USP1: variants seen among roughly 807,000 people sequenced by gnomAD.
USP1 encodes ubiquitin specific peptidase 1, also known as ubiquitin carboxyl-terminal hydrolase 1.
In USP1, 18 loss-of-function variants were observed where a neutral mutation model predicts 72.2. The observed-to-expected ratio is 0.25, with a 90% CI of 0.17 to 0.37. The LOEUF is 0.37. USP1 is among the 10% of genes least tolerant of loss of function. The pLI is 1.00. For synonymous variants in USP1, 354 were observed against 303.7 expected, an observed-to-expected ratio of 1.17 and a Z score of -1.72; for missense variants, 759 against 884.9, an observed-to-expected ratio of 0.86 and a Z score of 1.81.
At chr1:62,449,215 C>T (rs1645196905) in intron 8 of USP1, among the ~76,000 whole-genome samples, 2 of 152,080 alleles carry the variant, frequency 1.3e-5, no homozygotes, top group East Asian at 1.9e-4. Flanking sequence ...ATATTCATTC[C>T]CTCTTAGATG....
In USP1 at chr1:62,450,430, C is replaced by T. The variant is rs756605102; in HGVS notation, c.1807C>T (p.Leu603Phe). The T allele has an allele frequency of 1.1e-5, 17 of 1,613,930 alleles. No homozygotes were observed. Among genetic ancestry groups the T allele is most frequent in the Middle Eastern group, 1.6e-4 (1 of 6,082 alleles). Residue 603 changes from leucine to phenylalanine, a missense_variant, in exon 9 of 9, where the codon CTT (leucine) becomes TTT (phenylalanine). Around this residue, in one of 9 missense-constraint regions of USP1, gnomAD observed 140 missense variants for 222.8 expected, o/e 0.63. Transcript: ENST00000339950. ...HYTASVKVTD[L>F]NSLELDKGNF... ...CACTGCTTCTGTTAAAGTCACTGAC[C>T]TTAACAGTTTAGAACTAGATAAAGG... is the stretch of plus-strand genomic sequence containing the variant.
At chr1:62,445,929 A>AT (rs1202579366) in intron 6 of USP1, among the ~76,000 whole-genome samples, 2 of 152,148 alleles carry the variant, frequency 1.3e-5, no homozygotes, top group African/African-American at 4.8e-5. Context: ...CAGTGAGCCA[A>AT]TATTATGCCA....
chr1:62,445,410 A>T lies in USP1; in HGVS notation c.1230A>T (p.Glu410Asp). ...GNTVTPVNVN[E>D]VKPINKGEEQ... is the part of the protein sequence containing the mutation. The stretch of plus-strand genomic sequence containing the variant: ...CTGTTACACCTGTAAATGTTAATGA[A>T]GTTAAACCCATAAACAAAGGTTAGT... The change falls in exon 6 of 9, where the codon GAA (glutamate) becomes GAT (aspartate). Residue 410 changes from glutamate (E) to aspartate (D), a missense_variant. Transcript: ENST00000339950. 6.4e-7 allele frequency: 1 copy of T among 1,566,938 alleles called. No individual in the cohort carries two copies. The highest frequency in any genetic ancestry group is 8.6e-7 in the Non-Finnish European group (1 of 1,160,992).
chr1:62,451,367 T>C lies in USP1; in HGVS notation c.*386T>C, dbSNP rs933595323. ...TGATGTTTATAGTTCCTGTGGTTTTTCACCCAAGAAGCAGAATCTCATTCA... is the reference window on the plus strand; with the variant it reads ...TGATGTTTATAGTTCCTGTGGTTTTCCACCCAAGAAGCAGAATCTCATTCA... On this transcript the variant is annotated 3_prime_UTR_variant, in exon 9 of 9. Coordinates refer to ENST00000339950, the MANE Select transcript of USP1 (RefSeq NM_003368.5). The C allele has an allele frequency of 6.3e-6, 1 of 158,222 alleles. No individual in the cohort carries two copies. The highest frequency in any genetic ancestry group is 1.4e-5 in the Non-Finnish European group (1 of 72,074). 9.8% of individuals were successfully genotyped at this position (158,222 alleles called of 1,614,324 possible).
In USP1 at chr1:62,443,214, C is replaced by T; in HGVS notation, c.452C>T (p.Ser151Phe). Reference protein sequence around the residue: ...ASYELICSLQSLIISVEQLQA... With the variant: ...ASYELICSLQFLIISVEQLQA... ...TATGAATTGATATGCAGTTTACAGT[C>T]CTTAATCATTTCGGTTGAACAGCTC... is the stretch of plus-strand genomic sequence containing the variant. The change falls in exon 5 of 9, where the codon TCC becomes TTC. Residue 151 changes from serine to phenylalanine, a missense_variant. By Grantham distance (155) the Ser-to-Phe change is radical. Around this residue, in one of 9 missense-constraint regions of USP1, gnomAD observed 71 missense variants for 71.0 expected, o/e 1.00. Transcript: ENST00000339950. 1 of 1,613,944 alleles carries T rather than the reference C, an allele frequency of 6.2e-7. No homozygotes were observed. Among genetic ancestry groups the T allele is most frequent in the Non-Finnish European group, 8.5e-7 (1 of 1,179,988 alleles).
Position 62,448,671 on chromosome 1 carries a change from G to A in USP1, c.1622+5G>A. 6.2e-7 allele frequency: 1 copy of A among 1,611,490 alleles called. No individual in the cohort carries two copies. The highest frequency in any genetic ancestry group is 8.5e-7 in the Non-Finnish European group (1 of 1,179,350). On this transcript the variant is annotated splice_donor_5th_base_variant and intron_variant, in intron 8 of 8. Coordinates refer to ENST00000339950, the MANE Select transcript of USP1 (RefSeq NM_003368.5). ...CTTTGCTGCTAGTGGTTTGGAGTAAGTATTGTAAATAAGAACTATATGAAG... is the reference window on the plus strand; with the variant it reads ...CTTTGCTGCTAGTGGTTTGGAGTAAATATTGTAAATAAGAACTATATGAAG...
rs767195578 is a variant in USP1, at chr1:62,443,323, T to G, written c.557+4T>G. 5.0e-6 allele frequency: 8 copies of G among 1,588,344 alleles called. No individual in the cohort carries two copies. Among genetic ancestry groups the G allele is most frequent in the Non-Finnish European group, 6.8e-6 (8 of 1,172,956 alleles). On this transcript the variant is annotated splice_donor_region_variant and intron_variant, in intron 5 of 8. Coordinates refer to ENST00000339950, the MANE Select transcript of USP1 (RefSeq NM_003368.5). ...GGCGACTGCTTAACACACTGAGGTA[T>G]AGCCTATAATATAATTTTAGGGTTT...
Position 62,447,580 on chromosome 1 carries a change from A to T in USP1, c.1420+69A>T, listed in dbSNP as rs1206249238. The T allele has an allele frequency of 4.0e-6, 6 of 1,518,418 alleles. No homozygotes were observed. In the East Asian group the frequency reaches 1.4e-4, roughly 35 times the overall value. The allele number at this position is 1,518,418 out of a possible 1,614,324, so 94.1% of individuals were successfully genotyped here. ...ATAATTCTTTAACAACACAAAGTTTAATAGTAGCTGGTGTAATTAGGGAGG... is the reference window on the plus strand; with the variant it reads ...ATAATTCTTTAACAACACAAAGTTTTATAGTAGCTGGTGTAATTAGGGAGG... On this transcript the variant is annotated intron_variant, in intron 7 of 8. Coordinates refer to ENST00000339950, the MANE Select transcript of USP1 (RefSeq NM_003368.5).
chr1:62,447,070 C>G (rs540471475), intron 6 of USP1, among the ~76,000 whole-genome samples: 143 of 152,330 alleles, frequency 9.4e-4, no homozygotes, highest in African/African-American at 3.3e-3. Context: ...GCCTCAGCCT[C>G]CCAAAGTCTT....
In USP1 at chr1:62,451,756, T is replaced by G. The variant is rs546279124; in HGVS notation, c.*775T>G. The stretch of plus-strand genomic sequence containing the variant: ...TAACTATGTATATGAATATTTGAAT[T>G]TTTTACTTGTATATTTTTATAAATA... On this transcript the variant is annotated 3_prime_UTR_variant, in exon 9 of 9. Coordinates refer to ENST00000339950, the MANE Select transcript of USP1 (RefSeq NM_003368.5). 1 of 152,650 alleles carries G rather than the reference T, an allele frequency of 6.6e-6. No homozygotes were observed. The highest frequency in any genetic ancestry group is 2.1e-4 in the South Asian group (1 of 4,820). 9.5% of individuals were successfully genotyped at this position (152,650 alleles called of 1,614,324 possible).
At position 62,450,687 on chromosome 1, in the gene USP1, T is replaced by C. The variant is rs1645209504; in HGVS notation, c.2064T>C (p.Asp688=). The C allele has an allele frequency of 8.1e-6, 13 of 1,614,150 alleles. No homozygotes were observed. The highest frequency in any genetic ancestry group is 2.2e-5 in the East Asian group (1 of 44,866). ...YELYNKASNP[D]KVASTAFAEN... ...TATACAACAAAGCCTCTAATCCTGATAAGGTTGCTAGTACAGCGTTTGCTG... is the reference window on the plus strand; with the variant it reads ...TATACAACAAAGCCTCTAATCCTGACAAGGTTGCTAGTACAGCGTTTGCTG... The change falls in exon 9 of 9, where the codon GAT becomes GAC. Residue 688 remains aspartate, a synonymous_variant. Coordinates refer to ENST00000339950, the MANE Select transcript of USP1 (RefSeq NM_003368.5).
At chr1:62,440,965 C>T (rs1020652695) in intron 2 of USP1, among the ~76,000 whole-genome samples, 1 of 152,090 alleles carries the variant, frequency 6.6e-6, no homozygotes, top group Non-Finnish European at 1.5e-5. Flanking sequence ...AATGCCCCCA[C>T]ACCCACATTC....
In USP1 at chr1:62,451,133, C is replaced by A; in HGVS notation, c.*152C>A. The A allele has an allele frequency of 1.3e-6, 1 of 791,622 alleles. No individual in the cohort carries two copies. The highest frequency in any genetic ancestry group is 1.8e-6 in the Non-Finnish European group (1 of 552,852). The allele number at this position is 791,622 out of a possible 1,614,324, so 49.0% of individuals were successfully genotyped here. On this transcript the variant is annotated 3_prime_UTR_variant, in exon 9 of 9. Transcript: ENST00000339950. ...TATATAAATAGTGAAATTTGAATTA[C>A]TGAAAACCATGTTAATTTTTAGAAC...
At chr1:62,438,454 G>T (rs1645108119) in intron 1 of USP1, among the ~76,000 whole-genome samples, 1 of 152,116 alleles carries the variant, frequency 6.6e-6, no homozygotes, top group African/African-American at 2.4e-5. Flanking sequence ...TCTCAGAAAT[G>T]GTTTCAGTGT....
rs1645121809 is a variant in USP1, at chr1:62,440,051, AT to A, written c.170+17del. ...AGCATCTGAAATGTATGTATCTTAC[AT>A]TTCTGTACTTTAAAAATTCTACAGT... On this transcript the variant is annotated intron_variant, in intron 2 of 8. Coordinates refer to ENST00000339950, the MANE Select transcript of USP1 (RefSeq NM_003368.5). 1 of 1,422,938 alleles carries A rather than the reference AT, an allele frequency of 7.0e-7. No individual in the cohort carries two copies. Among genetic ancestry groups the A allele is most frequent in the African/African-American group, 1.5e-5 (1 of 67,958 alleles). 88.1% of individuals were successfully genotyped at this position (1,422,938 alleles called of 1,614,324 possible).
intron 4 of USP1, 45 bp from the exon 5 acceptor site, chr1:62,443,114 A>G (rs768010901): frequency 6.3e-7 from 1 of 1,579,996 alleles, no homozygotes; most frequent in South Asian, 1.2e-5. Context: ...GAAGGTACTT[A>G]ATTTGTTCAT....
At position 62,442,178 on chromosome 1, in the gene USP1, A is replaced by G. The variant is rs769429801; in HGVS notation, c.292-17A>G. On this transcript the variant is annotated splice_polypyrimidine_tract_variant and intron_variant, in intron 3 of 8. Coordinates refer to ENST00000339950, the MANE Select transcript of USP1 (RefSeq NM_003368.5). ...TGTTTGTTCAGTAAACACTTAAGAC[A>G]ATCTCACTTTTTATAGGTATTATAT... The G allele has an allele frequency of 1.2e-5, 18 of 1,490,864 alleles. No individual in the cohort carries two copies. The South Asian group carries it at 2.1e-4, about 18-fold the overall frequency. The allele number at this position is 1,490,864 out of a possible 1,614,324, so 92.4% of individuals were successfully genotyped here. A position where few individuals can be genotyped will look rare whatever the true frequency, so the allele number is the denominator to read the frequency against.
At chr1:62,447,280 T>G in intron 6 of USP1, 61 bp from the exon 7 acceptor site, 1 of 1,473,158 alleles carries the variant, frequency 6.8e-7, no homozygotes, top group Non-Finnish European at 9.1e-7. Flanking sequence ...GAAAATTGGT[T>G]ATTTGGACTA....
In USP1 at chr1:62,444,945, G is replaced by T. The variant is rs895859622; in HGVS notation, c.765G>T (p.Arg255Ser). The change falls in exon 6 of 9, where the codon AGG (arginine) becomes AGT (serine). Residue 255 changes from arginine to serine, a missense_variant. Physicochemically the swap from Arg to Ser is moderately radical, Grantham distance 110. This residue lies in a region of USP1 where 245 missense variants were observed against 240.7 expected (regional missense o/e 1.02). Transcript: ENST00000339950. The part of the protein sequence containing the change: ...GINSIEMDSM[R>S]HSEDFKEKLP... ...ACAGCATAGAGATGGACAGTATGAG[G>T]CATTCTGAAGACTTTAAAGAGAAAC... is the stretch of plus-strand genomic sequence containing the variant. 13 of 1,613,716 alleles carry T rather than the reference G, an allele frequency of 8.1e-6. No homozygotes were observed. Among genetic ancestry groups the T allele is most frequent in the Middle Eastern group, 1.7e-4 (1 of 6,056 alleles).
Sources: gnomAD v4.1 joint callset for allele counts (sites outside exome capture counted in the v4.1 genomes callset) on GRCh38, gnomAD v4.1.1 for gene constraint, gnomAD v4.1.1 regional missense constraint, MANE v1.5 for transcripts, NCBI Gene and HGNC (gene_info 2026-07-23, HGNC 2026-07-21) for gene names.